Variants in FAM76B observed in about 807,000 individuals in gnomAD.
FAM76B encodes protein FAM76B.
A neutral mutation model predicts 51.8 loss-of-function variants in FAM76B; 16 were observed. The ratio of observed to expected loss-of-function variants is 0.31; its 90% CI spans 0.21 to 0.47. The LOEUF (loss-of-function observed/expected upper bound fraction) is 0.47, where lower values mean the gene tolerates loss of function less well. FAM76B is among the 20% of genes least tolerant of loss of function. The probability of loss-of-function intolerance (pLI) is 1.00; values close to 1 mark genes in which losing one functional copy is unlikely to be tolerated. For missense variants in FAM76B, 342 were observed against 392.6 expected (o/e 0.87, Z 1.09); for synonymous variants, 166 against 129.5 (o/e 1.28, Z -1.91).
intron 8 of FAM76B, among the ~76,000 whole-genome samples, chr11:95,777,354 GA>G (rs1013006697): frequency 3.3e-5 from 5 of 151,164 alleles, no homozygotes; most frequent in African/African-American, 1.2e-4. Flanking sequence ...AACAAAAGCA[GA>G]AAACTTCAAT....
At chr11:95,777,136 T>C (rs1161845378) in intron 8 of FAM76B, among the ~76,000 whole-genome samples, 1 of 151,512 alleles carries the variant, frequency 6.6e-6, no homozygotes, top group Non-Finnish European at 1.5e-5. Context: ...TATTCATCTT[T>C]GTATCCTCAT....
At chr11:95,783,637 CAGTA>C (rs1211084671) in intron 4 of FAM76B, among the ~76,000 whole-genome samples, 1 of 152,174 alleles carries the variant, frequency 6.6e-6, no homozygotes, top group Non-Finnish European at 1.5e-5. Flanking sequence ...TTTTTCACTA[CAGTA>C]AGTACTGTAA....
chr11:95,775,314 T>C (rs1160389713), intron 9 of FAM76B, among the ~76,000 whole-genome samples: 2 of 151,514 alleles, frequency 1.3e-5, no homozygotes, highest in Non-Finnish European at 3.0e-5. Context: ...AGATTATTAC[T>C]GTGGTGACTC....
chr11:95,772,514 C>T (rs1447957248), intron 9 of FAM76B, among the ~76,000 whole-genome samples: 1 of 151,108 alleles, frequency 6.6e-6, no homozygotes, highest in Non-Finnish European at 1.5e-5. Flanking sequence ...TATACAAATA[C>T]ATTAATGATC....
rs1860879534 is a variant in FAM76B, at chr11:95,789,578, T to TCCC, written c.-103_-101dup. On this transcript the variant is annotated 5_prime_UTR_variant, in exon 1 of 10. Transcript: ENST00000358780. ...CGCCCGGGCCGCGGGCTCCTCCTCCTCCCCCTCCCCCTGCCTCGCGCCCAC... is the reference window on the plus strand; with the variant it reads ...CGCCCGGGCCGCGGGCTCCTCCTCCTCCCCCCCCTCCCCCTGCCTCGCGCCCAC... 9 of 1,014,582 alleles carry TCCC rather than the reference T, an allele frequency of 8.9e-6. No homozygotes were observed. The highest frequency in any genetic ancestry group is 1.3e-5 in the Non-Finnish European group (9 of 707,618). 62.8% of individuals were successfully genotyped at this position (1,014,582 alleles called of 1,614,324 possible). A position where few individuals can be genotyped will look rare whatever the true frequency, so the allele number is the denominator to read the frequency against.
chr11:95,776,563 A>C (rs1008471859), intron 8 of FAM76B, among the ~76,000 whole-genome samples: 3 of 151,372 alleles, frequency 2.0e-5, no homozygotes, highest in African/African-American at 7.3e-5. Flanking sequence ...TTGAGGTAAA[A>C]ATAGAGAACA....
chr11:95,772,708 A>G (rs1015860409), intron 9 of FAM76B, among the ~76,000 whole-genome samples: 6 of 151,032 alleles, frequency 4.0e-5, no homozygotes, highest in African/African-American at 1.5e-4. Flanking sequence ...ATTTTATTCT[A>G]ATTTTAGCTT....
Position 95,789,696 on chromosome 11 carries a change from G to A in FAM76B, c.-218C>T, listed in dbSNP as rs1401367089. 1.8e-5 allele frequency: 9 copies of A among 500,764 alleles called. No individual in the cohort carries two copies. Among genetic ancestry groups the A allele is most frequent in the Non-Finnish European group, 2.4e-5 (7 of 286,442 alleles). The allele number at this position is 500,764 out of a possible 1,614,324, so 31.0% of individuals were successfully genotyped here. A position where few individuals can be genotyped will look rare whatever the true frequency, so the allele number is the denominator to read the frequency against. On this transcript the variant is annotated 5_prime_UTR_variant, in exon 1 of 10. Coordinates refer to ENST00000358780, the MANE Select transcript of FAM76B (RefSeq NM_144664.5). Reference sequence around the variant, plus strand: ...GCCCCAGCCCACCCAGTGACGCCGTGCCAGCCGCTCCCGCTTAGGCCCCGA... The same window carrying A: ...GCCCCAGCCCACCCAGTGACGCCGTACCAGCCGCTCCCGCTTAGGCCCCGA...
At chr11:95,774,169 G>A (rs994233616) in intron 9 of FAM76B, among the ~76,000 whole-genome samples, 4 of 151,254 alleles carry the variant, frequency 2.6e-5, no homozygotes, top group Non-Finnish European at 5.9e-5. Context: ...ACTAGTGTAG[G>A]ACAGGGAAAA....
intron 9 of FAM76B, among the ~76,000 whole-genome samples, chr11:95,772,889 T>C (rs1859832742): frequency 6.6e-6 from 1 of 151,268 alleles, no homozygotes; most frequent in South Asian, 2.1e-4. Context: ...CTATCTTATA[T>C]GTGCAAATCA....
chr11:95,784,233 A>C (rs1008305978), intron 4 of FAM76B, among the ~76,000 whole-genome samples: 1 of 152,158 alleles, frequency 6.6e-6, no homozygotes, highest in African/African-American at 2.4e-5. Context: ...CAGGAACTAA[A>C]GGATGAAAAC....
chr11:95,786,093 G>A lies in FAM76B; in HGVS notation c.363+26C>T, dbSNP rs181488926. On this transcript the variant is annotated intron_variant, in intron 4 of 9. Transcript: ENST00000358780. ...TTGGCATTTTATTTAATTTCCAGAA[G>A]ATGTCATAACATAAATAAAGCATAC... The A allele has an allele frequency of 3.0e-4, 469 of 1,577,270 alleles. 6 individuals are homozygous for A. The East Asian group carries it at 8.8e-3, about 30-fold the overall frequency.
rs1460851777 is a variant in FAM76B at position 95,789,675 on chromosome 11, C to T, written c.-197G>A. On this transcript the variant is annotated 5_prime_UTR_variant, in exon 1 of 10. Transcript: ENST00000358780. Reference sequence around the variant, plus strand: ...TCTCCCTCCGCCTCCACTTCCGCCCCAGCCCACCCAGTGACGCCGTGCCAG... The same window carrying T: ...TCTCCCTCCGCCTCCACTTCCGCCCTAGCCCACCCAGTGACGCCGTGCCAG... 11 of 516,414 alleles carry T rather than the reference C, an allele frequency of 2.1e-5. No individual in the cohort carries two copies. The highest frequency in any genetic ancestry group is 3.4e-5 in the Non-Finnish European group (10 of 296,874). 32.0% of individuals were successfully genotyped at this position (516,414 alleles called of 1,614,324 possible). A position where few individuals can be genotyped will look rare whatever the true frequency, so the allele number is the denominator to read the frequency against.
At chr11:95,771,684 G>A in intron 9 of FAM76B, 34 bp from the exon 10 acceptor site, 1 of 1,516,604 alleles carries the variant, frequency 6.6e-7, no homozygotes, top group Non-Finnish European at 9.1e-7. Flanking sequence ...GATTAAAAAT[G>A]TTTGAAATAT....
Position 95,778,900 on chromosome 11 carries a change from A to C in FAM76B, c.750T>G (p.Ser250Arg). 6.2e-7 allele frequency: 1 copy of C among 1,610,894 alleles called. No individual in the cohort carries two copies. Among genetic ancestry groups the C allele is most frequent in the Non-Finnish European group, 8.5e-7 (1 of 1,178,020 alleles). The change falls in exon 8 of 10, where the codon AGT becomes AGG. Residue 250 changes from serine to arginine, a missense_variant. Ser to Arg is a moderately radical substitution (Grantham distance 110). This residue lies in a region of FAM76B where 230 missense variants were observed against 257.4 expected (regional missense o/e 0.89). Transcript: ENST00000358780. ...SGGTDNFVLI[S>R]QLKEEVMSLK... ...GTGACATCACTTCTTCTTTCAATTG[A>C]CTTATAAGGACAAAATTGTCTGTTC...
At chr11:95,788,223 A>G (rs1046567984) in intron 2 of FAM76B, among the ~76,000 whole-genome samples, 10 of 152,332 alleles carry the variant, frequency 6.6e-5, no homozygotes, top group South Asian at 6.2e-4. Flanking sequence ...TTAGTTTAAC[A>G]TAACTGTTTA....
At chr11:95,787,221 T>C (rs761228058) in intron 3 of FAM76B, among the ~76,000 whole-genome samples, 8 of 152,210 alleles carry the variant, frequency 5.3e-5, no homozygotes, top group Non-Finnish European at 8.8e-5. Flanking sequence ...TGTTGAAATA[T>C]CTAAGAGCAT....
chr11:95,782,893 A>G (rs959147831), intron 5 of FAM76B, among the ~76,000 whole-genome samples, 172 bp downstream of exon 5: 3 of 152,228 alleles, frequency 2.0e-5, no homozygotes, highest in East Asian at 3.8e-4. Flanking sequence ...TTTCATGTAT[A>G]TAACATTCTA....
Position 95,779,695 on chromosome 11 carries a change from C to A in FAM76B, c.612-8G>T, listed in dbSNP as rs374228191. 8 of 1,605,276 alleles carry A rather than the reference C, an allele frequency of 5.0e-6. No homozygotes were observed. Among genetic ancestry groups the A allele is most frequent in the Non-Finnish European group, 6.0e-6 (7 of 1,176,464 alleles). On this transcript the variant is annotated splice_region_variant and splice_polypyrimidine_tract_variant and intron_variant, in intron 6 of 9. Coordinates refer to ENST00000358780, the MANE Select transcript of FAM76B (RefSeq NM_144664.5). ...GTTGCAGAGGATTTATGGCTGAAAC[C>A]AAACATTAATAAGAATAGTTAGAGT...
Sources: gnomAD v4.1 joint callset for allele counts (sites outside exome capture counted in the v4.1 genomes callset) on GRCh38, gnomAD v4.1.1 for gene constraint, gnomAD v4.1.1 regional missense constraint, MANE v1.5 for transcripts, NCBI Gene and HGNC (gene_info 2026-07-23, HGNC 2026-07-21) for gene names.